The following SPIDR variants were observed in gnomAD, a reference collection of about 807,000 sequenced individuals.
SPIDR encodes DNA repair-scaffolding protein.
SPIDR carries 93 observed loss-of-function variants against 104.6 expected under a neutral mutation model. That is an observed-to-expected ratio of 0.89 (90% confidence interval 0.75 to 1.06). SPIDR has a LOEUF of 1.06. SPIDR is among the 50% of genes least tolerant of loss of function. The pLI is 0.00. For synonymous variants in SPIDR, 431 were observed against 416.9 expected, an observed-to-expected ratio of 1.03 and a Z score of -0.41; for missense variants, 1,154 against 1,111.2, an observed-to-expected ratio of 1.04 and a Z score of -0.55.
intron 10 of SPIDR, among the ~76,000 whole-genome samples, chr8:47,639,569 A>G (rs2068512681): frequency 6.6e-6 from 1 of 151,324 alleles, no homozygotes; most frequent in African/African-American, 2.5e-5. Context: ...CACGTATCAA[A>G]TATTAGATGT....
chr8:47,285,092 G>A (rs1341886487), intron 3 of SPIDR, among the ~76,000 whole-genome samples: 1 of 152,224 alleles, frequency 6.6e-6, no homozygotes, highest in African/African-American at 2.4e-5. Context: ...TGAATATTAA[G>A]TGAGCTAAAA....
At chr8:47,426,082 C>T (rs549216203) in intron 7 of SPIDR, among the ~76,000 whole-genome samples, 54 of 146,378 alleles carry the variant, frequency 3.7e-4, no homozygotes, top group African/African-American at 1.3e-3. Flanking sequence ...GCCTCTACTA[C>T]GATACAAAAA....
intron 5 of SPIDR, among the ~76,000 whole-genome samples, chr8:47,376,804 T>C (rs2058712177): frequency 6.6e-6 from 1 of 152,188 alleles, no homozygotes; most frequent in Non-Finnish European, 1.5e-5. Context: ...AAATTTTTTT[T>C]AACCTAGTAA....
intron 1 of SPIDR, among the ~76,000 whole-genome samples, chr8:47,266,129 C>CTTTT (rs1224689414): frequency 7.7e-6 from 1 of 129,672 alleles, no homozygotes; most frequent in Non-Finnish European, 1.7e-5. Context: ...GTTTCTTTGT[C>CTTTT]TTTTTTTTTT....
Position 47,485,054 on chromosome 8 carries a change from C to T in SPIDR, c.1097+44512C>T, listed in dbSNP as rs187866423. On this transcript the variant is annotated intron_variant, in intron 8 of 19. Coordinates refer to ENST00000297423, the MANE Select transcript of SPIDR (RefSeq NM_001080394.4). ...TGAGCTGAAGCAGGGCGAGGCATGG[C>T]CTCACCCGGGAAGTGCAAGGGGTCA... 8.5e-5 allele frequency among the ~76,000 whole-genome samples: 13 copies of T among 152,324 alleles called. No homozygotes were observed. The East Asian group carries it at 1.9e-3, about 23-fold the overall frequency.
At chr8:47,287,822 C>T (rs367706203) in intron 3 of SPIDR, among the ~76,000 whole-genome samples, 3 of 152,038 alleles carry the variant, frequency 2.0e-5, no homozygotes, top group South Asian at 2.1e-4. Context: ...CAGTTTAACA[C>T]GATAGTGGTC....
chr8:47,382,963 C>G (rs1470024462), intron 5 of SPIDR, among the ~76,000 whole-genome samples: 1 of 152,136 alleles, frequency 6.6e-6, no homozygotes, highest in Non-Finnish European at 1.5e-5. Context: ...AATAAAGAAT[C>G]CCCAAAAGAA....
At chr8:47,558,333 T>C (rs2091563489) in intron 8 of SPIDR, among the ~76,000 whole-genome samples, 1 of 152,168 alleles carries the variant, frequency 6.6e-6, no homozygotes. Context: ...AAAATAAAAT[T>C]TGTTTTAAAA....
At chr8:47,310,333 CAAAAAAA>C (rs1166703089) in intron 5 of SPIDR, among the ~76,000 whole-genome samples, 110 of 54,878 alleles carry the variant, frequency 2.0e-3, no homozygotes, top group African/African-American at 6.7e-3. Context: ...GACTCCATCT[CAAAAAAA>C]AAAAAAAAAA....
chr8:47,509,926 A>G (rs922251974), intron 8 of SPIDR, among the ~76,000 whole-genome samples: 7 of 152,104 alleles, frequency 4.6e-5, no homozygotes, highest in Non-Finnish European at 7.4e-5. Context: ...ATGCACACAC[A>G]CACACACGAC....
chr8:47,430,999 G>T (rs945505290), intron 7 of SPIDR, among the ~76,000 whole-genome samples: 1 of 152,180 alleles, frequency 6.6e-6, no homozygotes, highest in Non-Finnish European at 1.5e-5. Context: ...TGTATGTATC[G>T]CATTGTCCCA....
intron 10 of SPIDR, among the ~76,000 whole-genome samples, chr8:47,639,700 C>T (rs2068541884): frequency 6.6e-6 from 1 of 152,174 alleles, no homozygotes; most frequent in Non-Finnish European, 1.5e-5. Flanking sequence ...GTTATCCCAG[C>T]ACTCTGGGAG....
intron 5 of SPIDR, among the ~76,000 whole-genome samples, chr8:47,367,244 G>A (rs1208175703): frequency 6.6e-6 from 1 of 152,164 alleles, no homozygotes; most frequent in Non-Finnish European, 1.5e-5. Flanking sequence ...GGAGCCCAGA[G>A]CAAACCCCAG....
intron 7 of SPIDR, among the ~76,000 whole-genome samples, chr8:47,430,137 A>G (rs4873313): frequency 6.6e-6 from 1 of 151,582 alleles, no homozygotes; most frequent in Non-Finnish European, 1.5e-5. Context: ...TCTTCTGCAC[A>G]CCTTTCAGGA....
chr8:47,710,606 T>C (rs529300421), intron 14 of SPIDR, among the ~76,000 whole-genome samples: 14 of 151,508 alleles, frequency 9.2e-5, no homozygotes, highest in South Asian at 2.1e-4. Flanking sequence ...GTAGCTGGGA[T>C]TACATCCATG....
intron 1 of SPIDR, among the ~76,000 whole-genome samples, chr8:47,276,659 T>C (rs1053208287): frequency 1.4e-4 from 21 of 152,198 alleles, no homozygotes; most frequent in African/African-American, 4.8e-4. Flanking sequence ...AAATAAGATA[T>C]TCAAATGGAT....
chr8:47,648,487 A>G (rs571661083), intron 10 of SPIDR, among the ~76,000 whole-genome samples: 2 of 152,340 alleles, frequency 1.3e-5, no homozygotes, highest in Admixed American at 1.3e-4. Context: ...GGATGGGTGA[A>G]TGAACAGAAG....
intron 5 of SPIDR, among the ~76,000 whole-genome samples, chr8:47,305,991 C>T (rs2043026358): frequency 2.6e-5 from 4 of 152,258 alleles, no homozygotes; most frequent in Admixed American, 2.0e-4. Flanking sequence ...TCTGTCTTTC[C>T]CTAGCTCCTG....
At chr8:47,650,282 A>G (rs1401320593) in intron 10 of SPIDR, among the ~76,000 whole-genome samples, 1 of 152,242 alleles carries the variant, frequency 6.6e-6, no homozygotes, top group Non-Finnish European at 1.5e-5. Context: ...CAATGTACAA[A>G]AATCAGTAGC....
Sources: gnomAD v4.1 joint callset for allele counts (sites outside exome capture counted in the v4.1 genomes callset) on GRCh38, gnomAD v4.1.1 for gene constraint, MANE v1.5 for transcripts, NCBI Gene and HGNC (gene_info 2026-07-23, HGNC 2026-07-21) for gene names.